Variants in HLF observed in about 807,000 individuals in gnomAD.
The protein encoded by HLF is HLF transcription factor, PAR bZIP family member.
A neutral mutation model predicts 22.6 loss-of-function variants in HLF; 3 were observed. The observed-to-expected ratio is 0.13, with a 90% CI of 0.06 to 0.34. HLF has a LOEUF of 0.34. Ranked by LOEUF, HLF falls within the 10% of genes least tolerant of loss-of-function variation. The pLI is 1.00. For missense variants in HLF, 299 were observed against 389.2 expected (o/e 0.77, Z 1.95); for synonymous variants, 151 against 151.8 (o/e 0.99, Z 0.04).
intron 2 of HLF, among the ~76,000 whole-genome samples, chr17:55,305,973 C>T (rs1279416059): frequency 6.6e-6 from 1 of 152,184 alleles, no homozygotes; most frequent in Admixed American, 6.5e-5. Context: ...TTTATTTCCA[C>T]ATATGGAAAA....
At chr17:55,268,114 GA>G in intron 2 of HLF, 28 bp downstream of exon 2, 2 of 1,449,332 alleles carry the variant, frequency 1.4e-6, no homozygotes, top group Non-Finnish European at 1.9e-6. Flanking sequence ...TCTCCCTTCA[GA>G]AAGGGAGGAG....
intron 2 of HLF, among the ~76,000 whole-genome samples, chr17:55,300,626 T>C (rs901470052): frequency 1.3e-5 from 2 of 152,170 alleles, no homozygotes; most frequent in Non-Finnish European, 2.9e-5. Flanking sequence ...GCCAGAAACC[T>C]AAAAGTGAAT....
chr17:55,293,296 G>A (rs1011445530), intron 2 of HLF, among the ~76,000 whole-genome samples: 3 of 152,088 alleles, frequency 2.0e-5, no homozygotes, highest in African/African-American at 4.8e-5. Flanking sequence ...AGGAGTTATA[G>A]GGGATGCCGG....
chr17:55,266,761 A>C (rs951873886), intron 1 of HLF: 3 of 956,086 alleles, frequency 3.1e-6, no homozygotes, highest in African/African-American at 3.5e-5. Context: ...TCAGAAGCAA[A>C]TTCCTTAATC....
At chr17:55,285,900 T>A (rs1036901292) in intron 2 of HLF, among the ~76,000 whole-genome samples, 5 of 152,198 alleles carry the variant, frequency 3.3e-5, no homozygotes, top group African/African-American at 1.2e-4. Flanking sequence ...TGTCTTCATC[T>A]TCTTCGCGGT....
intron 2 of HLF, among the ~76,000 whole-genome samples, chr17:55,291,008 C>T (rs1178676315): frequency 6.6e-6 from 1 of 152,192 alleles, no homozygotes; most frequent in Non-Finnish European, 1.5e-5. Context: ...GCCTAACTCT[C>T]TTCAATTCTG....
intron 2 of HLF, among the ~76,000 whole-genome samples, chr17:55,268,590 AT>A (rs35119852): frequency 1.3e-5 from 2 of 151,570 alleles, no homozygotes; most frequent in Admixed American, 6.6e-5. Context: ...TGGGGCAGGT[AT>A]TTTTTTTTCC....
chr17:55,267,628 C>T (rs914280309), intron 1 of HLF, 123 bp from the exon 2 acceptor site: 3 of 650,480 alleles, frequency 4.6e-6, no homozygotes, highest in Non-Finnish European at 5.1e-6. Context: ...AGACAGCAGC[C>T]AGAGAAGGAC....
chr17:55,279,053 T>C (rs1169027059), intron 2 of HLF, among the ~76,000 whole-genome samples: 1 of 152,248 alleles, frequency 6.6e-6, no homozygotes, highest in Admixed American at 6.5e-5. Flanking sequence ...TTTCTTTGTA[T>C]TAGTACACCT....
chr17:55,315,146 C>T, intron 2 of HLF, 81 bp from the exon 3 acceptor site: 2 of 998,148 alleles, frequency 2.0e-6, no homozygotes, highest in East Asian at 4.8e-5. Context: ...ACTCTTACCA[C>T]TCATCTCAGA....
intron 2 of HLF, among the ~76,000 whole-genome samples, chr17:55,306,842 A>ATTTCTTCT (rs1904593639): frequency 7.0e-6 from 1 of 142,136 alleles, no homozygotes; most frequent in Middle Eastern, 3.2e-3. Context: ...TCATTCTTGT[A>ATTTCTTCT]TTTCTTCTTG....
chr17:55,275,176 A>G (rs779024830), intron 2 of HLF, among the ~76,000 whole-genome samples: 2 of 152,062 alleles, frequency 1.3e-5, no homozygotes, highest in Non-Finnish European at 2.9e-5. Flanking sequence ...GTTCACCACA[A>G]CCTCAACCTC....
chr17:55,323,512 AT>A lies in HLF; in HGVS notation c.*2634del. The A allele has an allele frequency of 4.6e-6, 1 of 218,292 alleles. No individual in the cohort carries two copies. The highest frequency in any genetic ancestry group is 2.2e-5 in the African/African-American group (1 of 44,606). The allele number at this position is 218,292 out of a possible 1,614,324, so 13.5% of individuals were successfully genotyped here. On this transcript the variant is annotated 3_prime_UTR_variant, in exon 4 of 4. Coordinates refer to ENST00000226067, the MANE Select transcript of HLF (RefSeq NM_002126.5). Reference sequence around the variant, plus strand: ...TCTCAAATGTTTTCTGCAGAAAAAAATAAAAAGATTCTAATAAAATGTATTC... The same window carrying A: ...TCTCAAATGTTTTCTGCAGAAAAAAAAAAAAGATTCTAATAAAATGTATTC...
chr17:55,310,483 A>G lies in HLF; in HGVS notation c.452-4744A>G, dbSNP rs140496296. Reference sequence around the variant, plus strand: ...GAATTGGAACTGCCTTACTTTGTCAAGTTGTATCTACTAAGATACTAGAAC... The same window carrying G: ...GAATTGGAACTGCCTTACTTTGTCAGGTTGTATCTACTAAGATACTAGAAC... On this transcript the variant is annotated intron_variant, in intron 2 of 3. Transcript: ENST00000226067. Among the ~76,000 whole-genome samples, 411 of 152,166 alleles carry G rather than the reference A, an allele frequency of 2.7e-3. 2 individuals are homozygous for G. Among genetic ancestry groups the G allele is most frequent in the Middle Eastern group, 0.017 (5 of 294 alleles).
intron 2 of HLF, among the ~76,000 whole-genome samples, chr17:55,298,367 G>A (rs1218574512): frequency 6.6e-6 from 1 of 152,106 alleles, no homozygotes; most frequent in Non-Finnish European, 1.5e-5. Flanking sequence ...GAAAGAAGAC[G>A]CATGGAACTC....
At chr17:55,310,842 G>A (rs976582632) in intron 2 of HLF, among the ~76,000 whole-genome samples, 1 of 152,046 alleles carries the variant, frequency 6.6e-6, no homozygotes, top group South Asian at 2.1e-4. Flanking sequence ...AGCAGTAACC[G>A]CTTAGGAAAT....
chr17:55,276,985 C>T (rs903549484), intron 2 of HLF, among the ~76,000 whole-genome samples: 3 of 152,028 alleles, frequency 2.0e-5, no homozygotes, highest in Non-Finnish European at 4.4e-5. Flanking sequence ...GAAAGTAATT[C>T]AAAAACACAG....
In HLF at chr17:55,281,175, T is replaced by C. The variant is rs117004678; in HGVS notation, c.451+13089T>C. Among the ~76,000 whole-genome samples, 27 of 152,324 alleles carry C rather than the reference T, an allele frequency of 1.8e-4. No individual in the cohort carries two copies. In the East Asian group the frequency reaches 5.2e-3, roughly 29 times the overall value. ...TTAGCCTCTTGTGAGGGATGTTGAA[T>C]TTCAGCTAAAGCTCCCTCAGCATAT... On this transcript the variant is annotated intron_variant, in intron 2 of 3. Coordinates refer to ENST00000226067, the MANE Select transcript of HLF (RefSeq NM_002126.5).
chr17:55,320,632 GT>G lies in HLF; in HGVS notation c.673-29del. 1 of 1,602,386 alleles carries G rather than the reference GT, an allele frequency of 6.2e-7. No homozygotes were observed. Among genetic ancestry groups the G allele is most frequent in the Non-Finnish European group, 8.5e-7 (1 of 1,170,546 alleles). ...GGGCTTTGCTGAAATCTAATATCTT[GT>G]TTCTTTTTCCCTTCTGTAACTAATG... On this transcript the variant is annotated intron_variant, in intron 3 of 3. Transcript: ENST00000226067. This position sits in a 1 kb window ranked among gnomAD's most constrained non-coding sequence, Gnocchi z 4.2.
Sources: gnomAD v4.1 joint callset for allele counts (sites outside exome capture counted in the v4.1 genomes callset) on GRCh38, gnomAD v4.1.1 for gene constraint, Gnocchi (gnomAD v3.1) non-coding constraint, MANE v1.5 for transcripts, NCBI Gene and HGNC (gene_info 2026-07-23, HGNC 2026-07-21) for gene names.